Variants in IQSEC1 observed in about 807,000 individuals in gnomAD.
The protein encoded by IQSEC1 is IQ motif and Sec7 domain ArfGEF 1.
IQSEC1 carries 31 observed loss-of-function variants against 91.0 expected under a neutral mutation model. The ratio of observed to expected loss-of-function variants is 0.34; its 90% CI spans 0.26 to 0.46. The LOEUF (loss-of-function observed/expected upper bound fraction) is 0.46, where lower values mean the gene tolerates loss of function less well. Ranked by LOEUF, IQSEC1 falls within the 20% of genes least tolerant of loss-of-function variation. The probability of loss-of-function intolerance (pLI) is 1.00; values close to 1 mark genes in which losing one functional copy is unlikely to be tolerated. For missense variants in IQSEC1, 1,388 were observed against 1,575.6 expected, an observed-to-expected ratio of 0.88 and a Z score of 2.02; for synonymous variants, 699 against 662.6, an observed-to-expected ratio of 1.05 and a Z score of -0.84.
intron 2 of IQSEC1, among the ~76,000 whole-genome samples, chr3:13,130,051 A>G (rs1228736070): frequency 2.6e-5 from 4 of 151,794 alleles, no homozygotes; most frequent in African/African-American, 9.7e-5. Flanking sequence ...GGTTATTTAG[A>G]AATGTATTGT....
rs1694515746 is a variant in IQSEC1, at chr3:13,214,916, G to A, written c.273-50783C>T. Among the ~76,000 whole-genome samples, 1 of 152,232 alleles carries A rather than the reference G, an allele frequency of 6.6e-6. No homozygotes were observed. Among genetic ancestry groups the A allele is most frequent in the Non-Finnish European group, 1.5e-5 (1 of 68,034 alleles). On this transcript the variant is annotated intron_variant, in intron 1 of 15. Coordinates refer to the IQSEC1 transcript ENST00000648114. The surrounding 1 kb of genome is among the most constrained non-coding windows in gnomAD (Gnocchi z 4.5). The stretch of plus-strand genomic sequence containing the variant: ...ACTAGCCGAATGAACAGGCACCCGA[G>A]TGAACGGATGAGTGGAATTTACTGC...
chr3:13,000,314 C>T (rs1170364215), intron 1 of IQSEC1, among the ~76,000 whole-genome samples: 1 of 152,080 alleles, frequency 6.6e-6, no homozygotes, highest in Non-Finnish European at 1.5e-5. Flanking sequence ...TCATAGAAAG[C>T]TCATGTCTCT....
intron 1 of IQSEC1, among the ~76,000 whole-genome samples, chr3:13,023,962 T>C (rs994514862): frequency 6.6e-6 from 1 of 152,106 alleles, no homozygotes; most frequent in Non-Finnish European, 1.5e-5. Context: ...AGGCTCCCCA[T>C]TCCTTGTTTT....
chr3:12,977,352 G>GAA (rs5846795), intron 1 of IQSEC1, among the ~76,000 whole-genome samples: 13 of 145,004 alleles, frequency 9.0e-5, no homozygotes, highest in African/African-American at 3.3e-4. Flanking sequence ...TGTCTCCAGG[G>GAA]AAAAAAAAAA....
chr3:13,138,057 G>A (rs1297383474), intron 2 of IQSEC1, among the ~76,000 whole-genome samples: 1 of 152,158 alleles, frequency 6.6e-6, no homozygotes, highest in Admixed American at 6.5e-5. Flanking sequence ...GAACCCAGAT[G>A]AGGGCACTCC....
rs748292550 is a variant in IQSEC1 at position 13,129,442 on chromosome 3, T to C, written c.302+34662A>G. On this transcript the variant is annotated intron_variant, in intron 2 of 15. Transcript: ENST00000648114. ...TCTCAAAGAATCAGGTTTGGTTTCA[T>C]TGATCGTCGGTATGGTTTTTCTGTT... 1.3e-5 allele frequency among the ~76,000 whole-genome samples: 2 copies of C among 152,330 alleles called. 1 individual carries two copies.
At chr3:13,196,749 C>CGTGTGTGT (rs5846802) in intron 1 of IQSEC1, among the ~76,000 whole-genome samples, 64 of 148,498 alleles carry the variant, frequency 4.3e-4, no homozygotes, top group African/African-American at 5.7e-4. Context: ...CATGTGTGTG[C>CGTGTGTGT]GTGTGTGTGT....
At chr3:13,224,422 C>T (rs1164701055) in intron 1 of IQSEC1, among the ~76,000 whole-genome samples, 2 of 152,046 alleles carry the variant, frequency 1.3e-5, no homozygotes, top group Admixed American at 1.3e-4. Flanking sequence ...TGGGCCCAGC[C>T]CAGGCAGGGA....
At chr3:13,180,755 C>T (rs941222153) in intron 1 of IQSEC1, among the ~76,000 whole-genome samples, 3 of 147,464 alleles carry the variant, frequency 2.0e-5, no homozygotes, top group East Asian at 1.9e-4. Context: ...CCAGACGTGC[C>T]GCCTTAAGAG....
At chr3:13,090,580 T>C (rs1294059838) in intron 2 of IQSEC1, among the ~76,000 whole-genome samples, 1 of 152,086 alleles carries the variant, frequency 6.6e-6, no homozygotes, top group Non-Finnish European at 1.5e-5. Flanking sequence ...GTGGGGTGAT[T>C]GGTGACAGGC....
intron 1 of IQSEC1, among the ~76,000 whole-genome samples, chr3:12,976,424 A>G (rs1022185253): frequency 6.6e-6 from 1 of 152,098 alleles, no homozygotes; most frequent in Non-Finnish European, 1.5e-5. Flanking sequence ...CCTCCGGTGG[A>G]GCCAACACTC....
chr3:12,938,817 C>T (rs1698479789), intron 2 of IQSEC1, among the ~76,000 whole-genome samples: 1 of 152,282 alleles, frequency 6.6e-6, no homozygotes, highest in Middle Eastern at 3.4e-3. Context: ...AGACCTCCTG[C>T]CCAAACCTGT....
intron 1 of IQSEC1, among the ~76,000 whole-genome samples, chr3:12,977,013 G>A (rs1701212543): frequency 6.6e-6 from 1 of 152,166 alleles, no homozygotes; most frequent in Admixed American, 6.5e-5. Context: ...AGTATTTAAA[G>A]GAACCCATCA....
intron 1 of IQSEC1, among the ~76,000 whole-genome samples, chr3:13,172,164 G>A (rs1393648084): frequency 1.3e-5 from 2 of 152,202 alleles, no homozygotes; most frequent in African/African-American, 4.8e-5. Flanking sequence ...ATAAACATTC[G>A]TGACACTTTC....
intron 1 of IQSEC1, among the ~76,000 whole-genome samples, chr3:12,974,435 T>G (rs1203321598): frequency 6.6e-6 from 1 of 152,134 alleles, no homozygotes; most frequent in Non-Finnish European, 1.5e-5. Flanking sequence ...ACACAACCCA[T>G]CCCTCCTGGT....
chr3:13,149,355 CAG>C (rs1706951688), intron 2 of IQSEC1, among the ~76,000 whole-genome samples: 1 of 149,972 alleles, frequency 6.7e-6, no homozygotes, highest in Non-Finnish European at 1.5e-5. Context: ...TCCCCACAGA[CAG>C]GCTGCTCCCC....
chr3:13,074,615 A>G (rs953813111), upstream of IQSEC1, among the ~76,000 whole-genome samples: 18 of 152,226 alleles, frequency 1.2e-4, no homozygotes, highest in African/African-American at 4.1e-4. Flanking sequence ...GAGGTTCAGC[A>G]ACTGGCCCAA....
chr3:12,973,375 A>C (rs922031672), intron 1 of IQSEC1, among the ~76,000 whole-genome samples: 1 of 152,126 alleles, frequency 6.6e-6, no homozygotes, highest in African/African-American at 2.4e-5. Flanking sequence ...GCCCAGCTCA[A>C]ATGTCCCCTT....
intron 1 of IQSEC1, among the ~76,000 whole-genome samples, chr3:13,069,593 G>A (rs542785526): frequency 4.6e-5 from 7 of 152,282 alleles, no homozygotes; most frequent in South Asian, 4.2e-4. Flanking sequence ...GAGAGGGGTC[G>A]GGACAGTTCC....
Sources: allele counts gnomAD v4.1 joint callset (sites outside exome capture counted in the v4.1 genomes callset), GRCh38; gene constraint gnomAD v4.1.1; non-coding constraint Gnocchi (gnomAD v3.1); transcripts MANE v1.5; gene names NCBI Gene and HGNC (gene_info 2026-07-23, HGNC 2026-07-21).